The following CNKSR2 variants were observed in gnomAD, a reference collection of about 807,000 sequenced individuals.
CNKSR2 encodes the protein CNK homolog protein 2.
Under a neutral mutation model 84.4 loss-of-function variants are expected in CNKSR2, and 14 were observed. The ratio of observed to expected loss-of-function variants is 0.17; its 90% CI spans 0.11 to 0.26. The LOEUF is 0.26. CNKSR2 is among the 10% of genes least tolerant of loss of function. CNKSR2 has a pLI of 1.00. For missense variants in CNKSR2, 485 were observed against 771.2 expected (o/e 0.63, Z 4.40); for synonymous variants, 275 against 277.9 (o/e 0.99, Z 0.10).
chrX:21,452,753 CTTAT>C (rs1486687018), intron 4 of CNKSR2, among the ~76,000 whole-genome samples: 2 of 86,852 alleles, frequency 2.3e-5, no homozygotes, highest in Non-Finnish European at 4.4e-5. Context: ...ACAAGCATGA[CTTAT>C]TTTATTTTAT....
intron 11 of CNKSR2, among the ~76,000 whole-genome samples, chrX:21,549,706 TCAAAA>T (rs1450199760): frequency 8.9e-6 from 1 of 111,737 alleles, no homozygotes; most frequent in Non-Finnish European, 1.9e-5. Flanking sequence ...TTTACTGGTA[TCAAAA>T]CAGATATATA....
At chrX:21,516,128 T>G (rs759853891) in intron 8 of CNKSR2, among the ~76,000 whole-genome samples, 17 of 111,538 alleles carry the variant, frequency 1.5e-4, no homozygotes, top group Non-Finnish European at 2.1e-4. Context: ...TTCAGGCATA[T>G]AGATTTTTTA....
intron 1 of CNKSR2, chrX:21,425,851 G>A (rs2090558168): frequency 9.0e-6 from 1 of 111,483 alleles, no homozygotes; most frequent in Non-Finnish European, 1.9e-5. Context: ...ATGGATTAAG[G>A]AGCGCATCAC....
chrX:21,629,666 A>G (rs748448357), intron 20 of CNKSR2, among the ~76,000 whole-genome samples: 12 of 111,535 alleles, frequency 1.1e-4, no homozygotes, highest in South Asian at 3.8e-4. Flanking sequence ...CCATGATTCA[A>G]TTATCTCCCA....
chrX:21,561,551 A>C lies in CNKSR2; in HGVS notation c.1384A>C (p.Ser462Arg). The C allele has an allele frequency of 1.7e-6, 2 of 1,191,033 alleles. No homozygotes were observed. Among genetic ancestry groups the C allele is most frequent in the Non-Finnish European group, 2.3e-6 (2 of 878,194 alleles). ...YEDPNKMKRDSRRENSLLRYM... is the reference protein window; with the variant it reads ...YEDPNKMKRDRRRENSLLRYM... ...AGATCCAAATAAGATGAAGAGAGAT[A>C]GTAGAAGAGGTAAGTGTTCTAGAAT... is the stretch of plus-strand genomic sequence containing the variant. The change falls in exon 12 of 22, where the codon AGT becomes CGT. Residue 462 changes from serine to arginine, a missense_variant. Ser to Arg is a moderately radical substitution (Grantham distance 110). Coordinates refer to ENST00000379510, the MANE Select transcript of CNKSR2 (RefSeq NM_014927.5).
Position 21,440,772 on chromosome X carries a change from T to C in CNKSR2, c.510T>C (p.Ile170=). ...AACTCTGCCTGGAGTTAACAACAATTGTGCAACAGGTATTAGCTGACAAAC... is the reference window on the plus strand; with the variant it reads ...AACTCTGCCTGGAGTTAACAACAATCGTGCAACAGGTATTAGCTGACAAAC... ...VIQLCLELTT[I]VQQDCTVYET... The change falls in exon 4 of 22, where the codon ATT becomes ATC. Residue 170 remains isoleucine, a synonymous_variant. Transcript: ENST00000379510. 8.6e-7 allele frequency: 1 copy of C among 1,157,554 alleles called. No individual in the cohort carries two copies. Among genetic ancestry groups the C allele is most frequent in the East Asian group, 3.0e-5 (1 of 32,959 alleles).
chrX:21,409,612 G>A (rs1039578450), intron 1 of CNKSR2, among the ~76,000 whole-genome samples: 7 of 110,436 alleles, frequency 6.3e-5, no homozygotes, highest in Non-Finnish European at 9.5e-5. Flanking sequence ...TATTTTCAGA[G>A]TTCTTTGAGA....
chrX:21,520,359 C>A, intron 9 of CNKSR2, among the ~76,000 whole-genome samples: 1 of 110,617 alleles, frequency 9.0e-6, no homozygotes, highest in South Asian at 3.8e-4. Context: ...CTAAGAAAAA[C>A]CAGGGATTCC....
At chrX:21,643,387 C>G (rs1264851080) in intron 20 of CNKSR2, 1 of 111,694 alleles carries the variant, frequency 9.0e-6, no homozygotes, top group African/African-American at 3.2e-5. Flanking sequence ...CATTAAACTG[C>G]ATAATTTAAC....
chrX:21,520,810 CATT>C (rs1279961430), intron 9 of CNKSR2, among the ~76,000 whole-genome samples: 1 of 108,951 alleles, frequency 9.2e-6, no homozygotes, highest in Non-Finnish European at 1.9e-5. Flanking sequence ...CAAGCTGTAA[CATT>C]ATAATTATGT....
At chrX:21,631,968 T>G (rs1478789965) in intron 20 of CNKSR2, among the ~76,000 whole-genome samples, 4 of 112,165 alleles carry the variant, frequency 3.6e-5, no homozygotes, top group Non-Finnish European at 7.5e-5. Flanking sequence ...AAAAGAATAC[T>G]AATTAGAATA....
chrX:21,445,443 G>A (rs1183360491), intron 4 of CNKSR2, among the ~76,000 whole-genome samples: 2 of 110,027 alleles, frequency 1.8e-5, no homozygotes, highest in African/African-American at 6.6e-5. Context: ...ACTTCTTTAG[G>A]GTGGGAACAT....
intron 1 of CNKSR2, among the ~76,000 whole-genome samples, chrX:21,382,524 A>G (rs933203242): frequency 9.0e-6 from 1 of 111,185 alleles, no homozygotes; most frequent in African/African-American, 3.3e-5. Flanking sequence ...TATATATCTT[A>G]GAATGCATGA....
chrX:21,505,415 T>A (rs1213886862), intron 8 of CNKSR2: 1 of 111,359 alleles, frequency 9.0e-6, no homozygotes, highest in Admixed American at 9.6e-5. Context: ...AAGAAGAAGA[T>A]AGACTGCAGC....
intron 1 of CNKSR2, among the ~76,000 whole-genome samples, chrX:21,411,785 A>G (rs771165827): frequency 9.1e-6 from 1 of 110,394 alleles, no homozygotes; most frequent in Non-Finnish European, 1.9e-5. Flanking sequence ...CTTTCCTTCA[A>G]TTACTTGTTA....
intron 5 of CNKSR2, among the ~76,000 whole-genome samples, chrX:21,483,037 A>G (rs2091338442): frequency 1.8e-5 from 2 of 111,974 alleles, no homozygotes; most frequent in Non-Finnish European, 3.8e-5. Context: ...ATTCTATTAC[A>G]TTAGTTTTTC....
In CNKSR2 at chrX:21,591,214, G is replaced by GTTT; in HGVS notation, c.1830+22_1830+24dup. 1 of 1,108,315 alleles carries GTTT rather than the reference G, an allele frequency of 9.0e-7. No individual in the cohort carries two copies. Among genetic ancestry groups the GTTT allele is most frequent in the South Asian group, 2.2e-5 (1 of 45,688 alleles). The allele number at this position is 1,108,315 out of a possible 1,213,427, so 91.3% of individuals were successfully genotyped here. A position where few individuals can be genotyped will look rare whatever the true frequency, so the allele number is the denominator to read the frequency against. On this transcript the variant is annotated intron_variant, in intron 15 of 21. Coordinates refer to ENST00000379510, the MANE Select transcript of CNKSR2 (RefSeq NM_014927.5). ...GAGGAGGTAAGATAAAGCACCTTTT[G>GTTT]TTTTCTCATCCATTCTCTATCTTTA...
intron 21 of CNKSR2, among the ~76,000 whole-genome samples, 198 bp from the exon 22 acceptor site, chrX:21,652,107 AC>A (rs2092722270): frequency 1.8e-5 from 2 of 111,919 alleles, no homozygotes; most frequent in South Asian, 7.6e-4. Flanking sequence ...GAAAAAGCAA[AC>A]CACACAGTGG....
At chrX:21,553,534 C>CA (rs1172014567) in intron 11 of CNKSR2, among the ~76,000 whole-genome samples, 1,058 of 88,086 alleles carry the variant, frequency 0.012, 16 homozygotes, top group Admixed American at 0.049. Context: ...GTTTCCATTA[C>CA]AAAAAAAAAA....
Sources: allele counts gnomAD v4.1 joint callset (sites outside exome capture counted in the v4.1 genomes callset), GRCh38; gene constraint gnomAD v4.1.1; transcripts MANE v1.5; gene names NCBI Gene and HGNC (gene_info 2026-07-23, HGNC 2026-07-21).